The following NPTXR variants were observed in gnomAD, a reference collection of about 807,000 sequenced individuals.
NPTXR encodes neuronal pentraxin receptor.
A neutral mutation model predicts 32.2 loss-of-function variants in NPTXR; 12 were observed. The observed-to-expected ratio is 0.37, with a 90% CI of 0.24 to 0.60. NPTXR has a LOEUF of 0.60. Ranked by LOEUF, NPTXR falls within the 20% of genes least tolerant of loss-of-function variation. NPTXR has a pLI of 0.66. For synonymous variants in NPTXR, 323 were observed against 315.8 expected (o/e 1.02, Z -0.24); for missense variants, 612 against 682.9 (o/e 0.90, Z 1.16).
chr22:38,824,270 G>A (rs2093102895), intron 3 of NPTXR, among the ~76,000 whole-genome samples: 1 of 151,820 alleles, frequency 6.6e-6, no homozygotes. Flanking sequence ...TGGGATTACA[G>A]GCAAGAGCCA....
At position 38,843,532 on chromosome 22, in the gene NPTXR, C is replaced by A. The variant is rs1365602175; in HGVS notation, c.327G>T (p.Gln109His). 4 of 1,257,630 alleles carry A rather than the reference C, an allele frequency of 3.2e-6. No homozygotes were observed. The highest frequency in any genetic ancestry group is 3.0e-6 in the Non-Finnish European group (3 of 1,002,538). The allele number at this position is 1,257,630 out of a possible 1,614,324, so 77.9% of individuals were successfully genotyped here. Reference sequence around the variant, plus strand: ...CCGGCGCAGCGCCCGCCGCGTCCCCCTGCTGGGCCCCCGACGGGCAGGCAG... The same window carrying A: ...CCGGCGCAGCGCCCGCCGCGTCCCCATGCTGGGCCCCCGACGGGCAGGCAG... The change falls in exon 1 of 5, where the codon CAG becomes CAT. Residue 109 changes from glutamine to histidine, a missense_variant. Transcript: ENST00000333039. The surrounding 1 kb of genome is among the most constrained non-coding windows in gnomAD (Gnocchi z 5.3).
Position 38,834,600 on chromosome 22 carries a change from TCATCCATCCATCCATCCATC to T in NPTXR, c.625-6108_625-6089del, listed in dbSNP as rs3042737. Among the ~76,000 whole-genome samples, 2,672 of 147,400 alleles carry T rather than the reference TCATCCATCCATCCATCCATC, an allele frequency of 0.018. 72 individuals are homozygous for T. Among genetic ancestry groups the T allele is most frequent in the African/African-American group, 0.063 (2,533 of 39,948 alleles). ...ACTCATCCATCCATCCATCCATCCA[TCATCCATCCATCCATCCATC>T]CATCCATCCATCCATCCATGTGTGC... On this transcript the variant is annotated intron_variant, in intron 1 of 4. Coordinates refer to ENST00000333039, the MANE Select transcript of NPTXR (RefSeq NM_014293.4). This position sits in a 1 kb window ranked among gnomAD's most constrained non-coding sequence, Gnocchi z 4.4.
At position 38,843,252 on chromosome 22, in the gene NPTXR, G is replaced by A. The variant is rs1424784566; in HGVS notation, c.607C>T (p.Arg203Cys). The change falls in exon 1 of 5, where the codon CGC (arginine) becomes TGC (cysteine). Residue 203 changes from arginine to cysteine, a missense_variant. By Grantham distance (180) the Arg-to-Cys change is radical. Transcript: ENST00000333039. The surrounding 1 kb of genome is among the most constrained non-coding windows in gnomAD (Gnocchi z 5.3). ...GCGCTCACCTCCAGGCGGTCGATGC[G>A]GTCCCGCAGGGCGCGCACGGCGTCC... 2.1e-6 allele frequency: 3 copies of A among 1,404,222 alleles called. No homozygotes were observed. Among genetic ancestry groups the A allele is most frequent in the Non-Finnish European group, 9.2e-7 (1 of 1,084,548 alleles). The allele number at this position is 1,404,222 out of a possible 1,614,324, so 87.0% of individuals were successfully genotyped here. A position where few individuals can be genotyped will look rare whatever the true frequency, so the allele number is the denominator to read the frequency against.
At chr22:38,838,391 T>C (rs929947009) in intron 1 of NPTXR, among the ~76,000 whole-genome samples, 3 of 152,084 alleles carry the variant, frequency 2.0e-5, no homozygotes, top group Admixed American at 6.6e-5. Flanking sequence ...AGTAAGTGTC[T>C]AATAAGTGTT....
chr22:38,822,450 C>A lies in NPTXR; in HGVS notation c.*159G>T. 1.5e-6 allele frequency: 1 copy of A among 650,234 alleles called. No homozygotes were observed. The highest frequency in any genetic ancestry group is 2.7e-6 in the Non-Finnish European group (1 of 368,278). The allele number at this position is 650,234 out of a possible 1,614,324, so 40.3% of individuals were successfully genotyped here. A position where few individuals can be genotyped will look rare whatever the true frequency, so the allele number is the denominator to read the frequency against. On this transcript the variant is annotated 3_prime_UTR_variant, in exon 5 of 5. Coordinates refer to ENST00000333039, the MANE Select transcript of NPTXR (RefSeq NM_014293.4). ...CAGGGGACACACTCGCAGGGCAGGG[C>A]ATTCTGGAGGTGTGGGTACAGGTGA... is the stretch of plus-strand genomic sequence containing the variant.
At chr22:38,831,152 G>A (rs978409947) in intron 1 of NPTXR, among the ~76,000 whole-genome samples, 2 of 152,202 alleles carry the variant, frequency 1.3e-5, no homozygotes, top group African/African-American at 4.8e-5. Flanking sequence ...TGGCTCATGT[G>A]TGTAATCCCA....
At chr22:38,826,079 G>A (rs1383902548) in intron 3 of NPTXR, among the ~76,000 whole-genome samples, 3 of 152,030 alleles carry the variant, frequency 2.0e-5, no homozygotes, top group Admixed American at 6.6e-5. Context: ...TCCTGACCTC[G>A]TGATCCGCCC....
Position 38,823,169 on chromosome 22 carries a change from C to G in NPTXR, c.1192G>C (p.Asp398His), listed in dbSNP as rs959559163. The G allele has an allele frequency of 1.6e-5, 26 of 1,614,022 alleles. No individual in the cohort carries two copies. Among genetic ancestry groups the G allele is most frequent in the Non-Finnish European group, 2.1e-5 (25 of 1,180,024 alleles). The change falls in exon 4 of 5, where the codon GAC becomes CAC. Residue 398 changes from aspartate (D) to histidine (H), a missense_variant. Coordinates refer to ENST00000333039, the MANE Select transcript of NPTXR (RefSeq NM_014293.4). ...TCACCGGAGCCCTGCAGCTCCCCGTCCTGGTAGGCAGACCATAGGCCATCC... is the reference window on the plus strand; with the variant it reads ...TCACCGGAGCCCTGCAGCTCCCCGTGCTGGTAGGCAGACCATAGGCCATCC...
intron 1 of NPTXR, among the ~76,000 whole-genome samples, chr22:38,835,827 G>A (rs998043797): frequency 6.6e-6 from 1 of 152,144 alleles, no homozygotes; most frequent in African/African-American, 2.4e-5. Context: ...TGAAACAAGG[G>A]CTGTGGAAGC....
intron 3 of NPTXR, among the ~76,000 whole-genome samples, chr22:38,825,701 CACA>C (rs1336671666): frequency 6.6e-6 from 1 of 152,100 alleles, no homozygotes; most frequent in Non-Finnish European, 1.5e-5. Context: ...AGAGCCTGAG[CACA>C]ACACCTTTCT....
intron 2 of NPTXR, among the ~76,000 whole-genome samples, chr22:38,827,958 G>A (rs1009182590): frequency 2.0e-5 from 3 of 152,282 alleles, no homozygotes; most frequent in East Asian, 1.9e-4. Flanking sequence ...GTCCAGACCC[G>A]CCACTTTTGT....
At chr22:38,828,544 T>G (rs757214426) in intron 1 of NPTXR, 32 bp from the exon 2 acceptor site, 16 of 1,520,026 alleles carry the variant, frequency 1.1e-5, no homozygotes, top group Non-Finnish European at 1.2e-5. Context: ...AGAAATCAAC[T>G]GAGGGGAGGA....
At chr22:38,823,007 C>T in intron 4 of NPTXR, 76 bp downstream of exon 4, 1 of 1,560,558 alleles carries the variant, frequency 6.4e-7, no homozygotes, top group East Asian at 2.2e-5. Context: ...TTGGGCAGGT[C>T]TCTGATCTCT....
intron 4 of NPTXR, 66 bp from the exon 5 acceptor site, chr22:38,822,899 TG>T: frequency 6.6e-7 from 1 of 1,512,110 alleles, no homozygotes. Context: ...ACAGGCAGGC[TG>T]GCTCAGTCAG....
chr22:38,833,587 A>C (rs2093119540), intron 1 of NPTXR, among the ~76,000 whole-genome samples: 1 of 152,030 alleles, frequency 6.6e-6, no homozygotes. Flanking sequence ...CATAGACAGA[A>C]AGCGCTTAGT....
chr22:38,841,203 G>A (rs2093131129), intron 1 of NPTXR, among the ~76,000 whole-genome samples: 1 of 152,226 alleles, frequency 6.6e-6, no homozygotes, highest in African/African-American at 2.4e-5. Flanking sequence ...GCCCCCAAAA[G>A]ACTAGCTGTG....
chr22:38,828,585 C>T (rs931410272), intron 1 of NPTXR, 73 bp from the exon 2 acceptor site: 12 of 1,267,670 alleles, frequency 9.5e-6, no homozygotes, highest in Non-Finnish European at 1.2e-5. Context: ...AGATGCCTAC[C>T]GCCCCTGCTC....
chr22:38,828,103 T>A (rs917328209), intron 2 of NPTXR, among the ~76,000 whole-genome samples, 184 bp downstream of exon 2: 1 of 152,142 alleles, frequency 6.6e-6, no homozygotes, highest in African/African-American at 2.4e-5. Context: ...GAAAATGAGA[T>A]CTGTTAATAA....
intron 3 of NPTXR, 103 bp downstream of exon 3, chr22:38,826,397 A>G (rs372725422): frequency 9.6e-6 from 13 of 1,353,024 alleles, no homozygotes; most frequent in East Asian, 2.3e-5. Context: ...CTGAATATGC[A>G]GAGCAGGAGA....
Sources: allele counts gnomAD v4.1 joint callset (sites outside exome capture counted in the v4.1 genomes callset), GRCh38; gene constraint gnomAD v4.1.1; non-coding constraint Gnocchi (gnomAD v3.1); transcripts MANE v1.5; gene names NCBI Gene and HGNC (gene_info 2026-07-23, HGNC 2026-07-21).